Variants in SLC36A4 observed in about 807,000 individuals in gnomAD.
SLC36A4 encodes neutral amino acid uniporter 4.
SLC36A4 carries 49 observed loss-of-function variants against 50.5 expected under a neutral mutation model. That is an observed-to-expected ratio of 0.97 (90% CI 0.77 to 1.23). The LOEUF (loss-of-function observed/expected upper bound fraction) is 1.23. SLC36A4 is among the 50% of genes most tolerant of loss of function. The pLI is 0.00. For missense variants in SLC36A4, 611 were observed against 608.4 expected (o/e 1.00, Z -0.05); for synonymous variants, 207 against 206.5 (o/e 1.00, Z -0.02).
At chr11:93,184,178 A>G (rs1861874128) in intron 3 of SLC36A4, among the ~76,000 whole-genome samples, 1 of 152,210 alleles carries the variant, frequency 6.6e-6, no homozygotes, top group Non-Finnish European at 1.5e-5. Flanking sequence ...GGAAAAATCA[A>G]AGACTGTTTT....
intron 10 of SLC36A4, among the ~76,000 whole-genome samples, chr11:93,153,069 T>C (rs1039219227): frequency 1.3e-5 from 2 of 152,132 alleles, no homozygotes; most frequent in Non-Finnish European, 2.9e-5. Flanking sequence ...GCATTTCCCA[T>C]TTCAAACAAA....
chr11:93,187,327 G>C (rs1053011970), intron 1 of SLC36A4, among the ~76,000 whole-genome samples: 15 of 152,224 alleles, frequency 9.9e-5, no homozygotes, highest in African/African-American at 3.4e-4. Context: ...AGTTTTCCCA[G>C]GGCTACAGTG....
At position 93,189,990 on chromosome 11, in the gene SLC36A4, G is replaced by A. The variant is rs533043339; in HGVS notation, c.56-4176C>T. On this transcript the variant is annotated intron_variant, in intron 1 of 10. Coordinates refer to ENST00000326402, the MANE Select transcript of SLC36A4 (RefSeq NM_152313.4). Reference sequence around the variant, plus strand: ...AATAGTATTACAATGTTCAGAATCCGAAGTAAAAATTAGTTGGGACCTCCG... The same window carrying A: ...AATAGTATTACAATGTTCAGAATCCAAAGTAAAAATTAGTTGGGACCTCCG... Among the ~76,000 whole-genome samples the A allele has an allele frequency of 1.2e-4, 19 of 152,184 alleles. No homozygotes were observed. In the East Asian group the frequency reaches 3.1e-3, roughly 25 times the overall value.
intron 9 of SLC36A4, chr11:93,160,483 T>C (rs778998149): frequency 6.1e-6 from 6 of 985,332 alleles, no homozygotes; most frequent in Non-Finnish European, 7.2e-6. Flanking sequence ...TCACAGCAAT[T>C]AGGAATAAGG....
intron 9 of SLC36A4, among the ~76,000 whole-genome samples, chr11:93,157,262 T>C (rs778758883): frequency 1.3e-5 from 2 of 152,210 alleles, no homozygotes; most frequent in Non-Finnish European, 2.9e-5. Flanking sequence ...TCGTATAGTT[T>C]AGAGTTGGGT....
intron 8 of SLC36A4, among the ~76,000 whole-genome samples, chr11:93,164,458 A>G (rs1424804495): frequency 1.3e-5 from 2 of 152,238 alleles, no homozygotes; most frequent in East Asian, 1.9e-4. Context: ...TATGCCAGGT[A>G]TGATTCTAAA....
rs1565221013 is a variant in SLC36A4 at position 93,162,740 on chromosome 11, C to T, written c.1003G>A (p.Gly335Ser). Residue 335 changes from glycine to serine, a missense_variant, in exon 9 of 11, where the codon GGC becomes AGC. Transcript: ENST00000326402. ...TGGGGAAGATTTAAAGTTATGCTGC[C>T]TTTGATTTCATCATGGAAACACATA... The part of the protein sequence containing the change: ...GYMCFHDEIK[G>S]SITLNLPQDV... 1 of 1,612,492 alleles carries T rather than the reference C, an allele frequency of 6.2e-7. No homozygotes were observed. The highest frequency in any genetic ancestry group is 8.5e-7 in the Non-Finnish European group (1 of 1,179,492).
At chr11:93,184,576 T>C in intron 2 of SLC36A4, 56 bp from the exon 3 acceptor site, 7 of 1,063,656 alleles carry the variant, frequency 6.6e-6, no homozygotes, top group South Asian at 1.3e-5. Flanking sequence ...TATTATAACA[T>C]GATCATGGTT....
chr11:93,184,531 A>C lies in SLC36A4; in HGVS notation c.180-11T>G. On this transcript the variant is annotated splice_polypyrimidine_tract_variant and intron_variant, in intron 2 of 10. Coordinates refer to ENST00000326402, the MANE Select transcript of SLC36A4 (RefSeq NM_152313.4). ...AGAGTTTGTACAAATCTGAAAAGTAAAAGTTGTAAGACTTAAATATTTTAG... is the reference window on the plus strand; with the variant it reads ...AGAGTTTGTACAAATCTGAAAAGTACAAGTTGTAAGACTTAAATATTTTAG... 1.3e-6 allele frequency: 2 copies of C among 1,509,648 alleles called. No homozygotes were observed. The highest frequency in any genetic ancestry group is 3.4e-4 in the Middle Eastern group (2 of 5,844). 93.5% of individuals were successfully genotyped at this position (1,509,648 alleles called of 1,614,324 possible). A position where few individuals can be genotyped will look rare whatever the true frequency, so the allele number is the denominator to read the frequency against.
At chr11:93,155,067 G>A (rs1013460300) in intron 9 of SLC36A4, 10 of 152,002 alleles carry the variant, frequency 6.6e-5, no homozygotes, top group East Asian at 1.9e-4. Context: ...CTTTTTAAAC[G>A]TTAATGACAT....
In SLC36A4 at chr11:93,146,955, TTA is replaced by T. The variant is rs1859859189; in HGVS notation, c.*1580_*1581del. ...TTTTCTAAGCATGAATCCCTTTATG[TTA>T]TGATTCTTGTATATATTTATTGTTG... On this transcript the variant is annotated 3_prime_UTR_variant, in exon 11 of 11. Transcript: ENST00000326402. 1 of 152,060 alleles carries T rather than the reference TTA, an allele frequency of 6.6e-6. No homozygotes were observed. Among genetic ancestry groups the T allele is most frequent in the Admixed American group, 6.6e-5 (1 of 15,242 alleles). 9.4% of individuals were successfully genotyped at this position (152,060 alleles called of 1,614,324 possible).
chr11:93,181,542 A>T, intron 5 of SLC36A4, 149 bp downstream of exon 5: 1 of 502,962 alleles, frequency 2.0e-6, no homozygotes, highest in Non-Finnish European at 3.1e-6. Flanking sequence ...TCAAGTTGAG[A>T]TTAGAATCTA....
Position 93,162,711 on chromosome 11 carries a change from AT to A in SLC36A4, c.1031del (p.Asp344ValfsTer8). 1 of 1,606,950 alleles carries A rather than the reference AT, an allele frequency of 6.2e-7. No homozygotes were observed. Among genetic ancestry groups the A allele is most frequent in the Non-Finnish European group, 8.5e-7 (1 of 1,177,304 alleles). Reference protein sequence around the residue: ...KGSITLNLPQDVWLYQSVKIL... With the variant: ...KGSITLNLPQXVWLYQSVKIL... Reference sequence around the variant, plus strand: ...ACAAATTCATATACACCTACCATACATCTTGGGGAAGATTTAAAGTTATGCT... The same window carrying A: ...ACAAATTCATATACACCTACCATACACTTGGGGAAGATTTAAAGTTATGCT... On this transcript the variant is annotated frameshift_variant, in exon 9 of 11. Coordinates refer to ENST00000326402, the MANE Select transcript of SLC36A4 (RefSeq NM_152313.4). LOFTEE classifies it high-confidence loss of function.
At chr11:93,160,518 A>C (rs1860571157) in intron 9 of SLC36A4, 1 of 985,226 alleles carries the variant, frequency 1.0e-6, no homozygotes, top group Non-Finnish European at 1.2e-6. Context: ...GGGCTGTGGG[A>C]AAAGGGAAGG....
intron 5 of SLC36A4, 33 bp from the exon 6 acceptor site, chr11:93,180,914 G>C (rs375753001): frequency 7.5e-7 from 1 of 1,341,392 alleles, no homozygotes; most frequent in African/African-American, 1.5e-5. Context: ...GAGTATCCAG[G>C]AGAGCTACTG....
At chr11:93,165,731 C>T (rs1168673136) in intron 8 of SLC36A4, among the ~76,000 whole-genome samples, 187 bp downstream of exon 8, 4 of 151,996 alleles carry the variant, frequency 2.6e-5, no homozygotes, top group African/African-American at 7.3e-5. Flanking sequence ...AGTGGTATGT[C>T]TAACATTAAG....
intron 6 of SLC36A4, among the ~76,000 whole-genome samples, chr11:93,177,921 T>A (rs1861560107): frequency 1.3e-5 from 2 of 152,246 alleles, no homozygotes; most frequent in Admixed American, 6.5e-5. Context: ...AATGTTTAAG[T>A]CTGCAGAAGT....
chr11:93,197,335 C>A, intron 1 of SLC36A4: 1 of 174,274 alleles, frequency 5.7e-6, no homozygotes, highest in African/African-American at 2.4e-5. Flanking sequence ...TCAGCACGAC[C>A]TGTTCGAAAC....
At chr11:93,151,656 A>C (rs560598065) in intron 10 of SLC36A4, among the ~76,000 whole-genome samples, 10 of 152,196 alleles carry the variant, frequency 6.6e-5, no homozygotes, top group Non-Finnish European at 1.3e-4. Context: ...CAAACTACTA[A>C]AGATTTATAG....
Sources: allele counts gnomAD v4.1 joint callset (sites outside exome capture counted in the v4.1 genomes callset), GRCh38; gene constraint gnomAD v4.1.1; transcripts MANE v1.5; gene names NCBI Gene and HGNC (gene_info 2026-07-23, HGNC 2026-07-21).